The following PDE8A variants were observed in gnomAD, a reference collection of about 807,000 sequenced individuals.
The protein encoded by PDE8A is phosphodiesterase 8A, also known as high affinity cAMP-specific and IBMX-insensitive 3',5'-cyclic phosphodiesterase 8A.
PDE8A carries 59 observed loss-of-function variants against 105.0 expected under a neutral mutation model. The ratio of observed to expected loss-of-function variants is 0.56; its 90% CI spans 0.46 to 0.70. The LOEUF is 0.70. Ranked by LOEUF, PDE8A falls within the 30% of genes least tolerant of loss-of-function variation. The probability of loss-of-function intolerance (pLI) is 0.00; values close to 1 mark genes in which losing one functional copy is unlikely to be tolerated. For missense variants in PDE8A, 1,014 were observed against 1,045.9 expected (o/e 0.97, Z 0.42); for synonymous variants, 355 against 371.9 (o/e 0.95, Z 0.52).
chr15:85,033,144 G>A (rs777353715), intron 1 of PDE8A, among the ~76,000 whole-genome samples: 1 of 152,184 alleles, frequency 6.6e-6, no homozygotes. Context: ...GGGTATGAGA[G>A]GAAGTAGACT....
At position 85,064,382 on chromosome 15, in the gene PDE8A, G is replaced by A; in HGVS notation, c.199G>A (p.Asp67Asn). Residue 67 changes from aspartate to asparagine, a missense_variant, in exon 2 of 22, where the codon GAT becomes AAT. Physicochemically the swap from Asp to Asn is conservative, Grantham distance 23 (BLOSUM62 1). Transcript: ENST00000394553. Reference protein sequence around the residue: ...DGSGKKVAVADVQFGPMRFHQ... With the variant: ...DGSGKKVAVANVQFGPMRFHQ... ...CTCTTTCTTACAGGTAGCAGTAGCT[G>A]ATGTGCAGTTTGGCCCCATGAGATT... 6.2e-7 allele frequency: 1 copy of A among 1,608,914 alleles called. No individual in the cohort carries two copies. The highest frequency in any genetic ancestry group is 8.5e-7 in the Non-Finnish European group (1 of 1,175,652).
intron 1 of PDE8A, among the ~76,000 whole-genome samples, chr15:85,008,895 C>G (rs767664962): frequency 1.3e-5 from 2 of 152,170 alleles, no homozygotes; most frequent in Non-Finnish European, 2.9e-5. Context: ...AGTTCAGCAC[C>G]TATTCCACCT....
In PDE8A at chr15:85,126,389, C is replaced by T; in HGVS notation, c.2253+15C>T. ...ATTTTTCTCAGGTAAGTTGCTGCCT[C>T]TTTTAAGTTTCTAGAGAGAGAGAGA... is the stretch of plus-strand genomic sequence containing the variant. On this transcript the variant is annotated intron_variant, in intron 20 of 21. Coordinates refer to ENST00000394553, the MANE Select transcript of PDE8A (RefSeq NM_002605.3). 2.0e-6 allele frequency: 3 copies of T among 1,529,430 alleles called. No individual in the cohort carries two copies. Among genetic ancestry groups the T allele is most frequent in the Non-Finnish European group, 2.7e-6 (3 of 1,130,222 alleles). The allele number at this position is 1,529,430 out of a possible 1,614,324, so 94.7% of individuals were successfully genotyped here. A position where few individuals can be genotyped will look rare whatever the true frequency, so the allele number is the denominator to read the frequency against.
intron 1 of PDE8A, among the ~76,000 whole-genome samples, chr15:85,035,802 G>A (rs2080696782): frequency 1.3e-5 from 2 of 152,192 alleles, no homozygotes; most frequent in Admixed American, 1.3e-4. Context: ...TTTCTGAAGT[G>A]TCATAATATG....
intron 12 of PDE8A, among the ~76,000 whole-genome samples, chr15:85,113,070 T>G (rs1219156622): frequency 1.3e-5 from 2 of 152,200 alleles, no homozygotes; most frequent in African/African-American, 4.8e-5. Flanking sequence ...TTATAAAGGC[T>G]TATTGTCATA....
At position 85,131,416 on chromosome 15, in the gene PDE8A, C is replaced by T. The variant is rs567632950; in HGVS notation, c.2253+5042C>T. On this transcript the variant is annotated intron_variant, in intron 20 of 21. Coordinates refer to ENST00000394553, the MANE Select transcript of PDE8A (RefSeq NM_002605.3). ...TTTTGTAATGGCACATTTTGATTCC[C>T]TTTTTCTATAGATAGTTGCATTGTG... 4.7e-4 allele frequency among the ~76,000 whole-genome samples: 72 copies of T among 152,200 alleles called. No homozygotes were observed. In the South Asian group the frequency reaches 8.3e-3, roughly 18 times the overall value.
Position 85,052,007 on chromosome 15 carries a change from G to A in PDE8A, c.187-12363G>A, listed in dbSNP as rs572700867. Among the ~76,000 whole-genome samples the A allele has an allele frequency of 2.0e-5, 3 of 150,616 alleles. No homozygotes were observed. In the South Asian group the frequency reaches 6.3e-4, roughly 32 times the overall value. On this transcript the variant is annotated intron_variant, in intron 1 of 21. Transcript: ENST00000394553. ...CCCACAGCAGGCCCCGGTGTGTGAT[G>A]TTCCTCACCCTGTGTCCAAGTGTTC...
At chr15:85,018,228 T>C (rs1398240470) in intron 1 of PDE8A, among the ~76,000 whole-genome samples, 2 of 152,152 alleles carry the variant, frequency 1.3e-5, no homozygotes, top group Non-Finnish European at 2.9e-5. Context: ...ATTTTGGAAG[T>C]AGAGTCTGTA....
rs2082168914 is a variant in PDE8A at position 85,120,811 on chromosome 15, A to T, written c.1749A>T (p.Pro583=). 6.2e-7 allele frequency: 1 copy of T among 1,607,146 alleles called. No homozygotes were observed. The highest frequency in any genetic ancestry group is 1.3e-5 in the African/African-American group (1 of 74,760). The change falls in exon 18 of 22, where the codon CCA becomes CCT. Residue 583 remains proline, a synonymous_variant. Coordinates refer to ENST00000394553, the MANE Select transcript of PDE8A (RefSeq NM_002605.3). ...SKERIKETLD[P]IDEVAALIAA... is the part of the protein sequence containing the mutation. ...CTTGTTTTCAGGAAACTTTAGATCCAATTGATGAGGTCGCTGCACTCATCG... is the reference window on the plus strand; with the variant it reads ...CTTGTTTTCAGGAAACTTTAGATCCTATTGATGAGGTCGCTGCACTCATCG...
intron 12 of PDE8A, among the ~76,000 whole-genome samples, chr15:85,112,319 T>C (rs1185403634): frequency 6.6e-6 from 1 of 152,212 alleles, no homozygotes; most frequent in Non-Finnish European, 1.5e-5. Context: ...ACTTAAAATC[T>C]ACCTTTAGCA....
chr15:85,128,692 A>G (rs1451574817), intron 20 of PDE8A, among the ~76,000 whole-genome samples: 1 of 152,246 alleles, frequency 6.6e-6, no homozygotes, highest in Non-Finnish European at 1.5e-5. Context: ...GTAGTAAAAG[A>G]TAAACCACCC....
chr15:85,064,065 A>G (rs1240604105), intron 1 of PDE8A: 13 of 264,532 alleles, frequency 4.9e-5, no homozygotes, highest in Non-Finnish European at 5.0e-5. Flanking sequence ...CCTTTAACAA[A>G]TGAGAAGTTG....
In PDE8A at chr15:85,024,089, C is replaced by T. The variant is rs145108384; in HGVS notation, c.187-40281C>T. ...GTAGCTCCCTTGCCTACCTTCTCTA[C>T]CTGGCTAACTCCTGCTGGCCCTTTA... On this transcript the variant is annotated intron_variant, in intron 1 of 21. Coordinates refer to ENST00000394553, the MANE Select transcript of PDE8A (RefSeq NM_002605.3). Among the ~76,000 whole-genome samples the T allele has an allele frequency of 3.5e-3, 534 of 152,296 alleles. 6 individuals carry two copies. Among genetic ancestry groups the T allele is most frequent in the Non-Finnish European group, 1.7e-3 (113 of 68,026 alleles).
rs1307178285 is a variant in PDE8A, at chr15:85,097,855, T to C, written c.853-93T>C. The C allele has an allele frequency of 5.6e-6, 4 of 713,620 alleles. No individual in the cohort carries two copies. The African/African-American group carries it at 7.1e-5, about 13-fold the overall frequency. 44.2% of individuals were successfully genotyped at this position (713,620 alleles called of 1,614,324 possible). A position where few individuals can be genotyped will look rare whatever the true frequency, so the allele number is the denominator to read the frequency against. ...GGATCATTTTTTATCTTAATTGCTT[T>C]AGCAATGTAAGTGAATCAGAACTGA... On this transcript the variant is annotated intron_variant, in intron 8 of 21. Coordinates refer to ENST00000394553, the MANE Select transcript of PDE8A (RefSeq NM_002605.3).
At chr15:85,035,439 A>G (rs1224540267) in intron 1 of PDE8A, among the ~76,000 whole-genome samples, 1 of 151,708 alleles carries the variant, frequency 6.6e-6, no homozygotes, top group African/African-American at 2.4e-5. Flanking sequence ...CAAGCTCCTG[A>G]CCTCAGGTGA....
intron 1 of PDE8A, among the ~76,000 whole-genome samples, chr15:85,056,531 C>A (rs558615117): frequency 1.3e-5 from 2 of 151,964 alleles, no homozygotes; most frequent in African/African-American, 4.8e-5. Context: ...TTTCTCTAAA[C>A]TTCTCTTCTC....
chr15:84,982,570 G>C (rs1287601465), intron 1 of PDE8A, among the ~76,000 whole-genome samples: 1 of 152,180 alleles, frequency 6.6e-6, no homozygotes, highest in African/African-American at 2.4e-5. Context: ...GTTGCGATTA[G>C]GACGCCGCCT....
chr15:85,109,722 A>G (rs1292964295), intron 12 of PDE8A, among the ~76,000 whole-genome samples: 1 of 152,206 alleles, frequency 6.6e-6, no homozygotes, highest in Non-Finnish European at 1.5e-5. Flanking sequence ...AGCTGGTTGT[A>G]CTGGTTCAAA....
chr15:85,060,435 G>A (rs566973012), intron 1 of PDE8A, among the ~76,000 whole-genome samples: 1 of 152,176 alleles, frequency 6.6e-6, no homozygotes, highest in East Asian at 1.9e-4. Context: ...AAATATTTAG[G>A]AAAATAAAAA....
Sources: gnomAD v4.1 joint callset for allele counts (sites outside exome capture counted in the v4.1 genomes callset) on GRCh38, gnomAD v4.1.1 for gene constraint, MANE v1.5 for transcripts, NCBI Gene and HGNC (gene_info 2026-07-23, HGNC 2026-07-21) for gene names.